The following PPP1R1C variants were observed in gnomAD, a reference collection of about 807,000 sequenced individuals.
The protein encoded by PPP1R1C is protein phosphatase 1 regulatory inhibitor subunit 1C.
In PPP1R1C, 15 loss-of-function variants were observed where a neutral mutation model predicts 17.4. The observed-to-expected ratio is 0.86, with a 90% confidence interval of 0.58 to 1.33. The LOEUF (loss-of-function observed/expected upper bound fraction) is 1.33, where lower values mean the gene tolerates loss of function less well. Ranked by LOEUF, PPP1R1C falls within the 40% of genes most tolerant of loss-of-function variation. The pLI is 0.00. For missense variants in PPP1R1C, 143 were observed against 130.0 expected (o/e 1.10, Z -0.48); for synonymous variants, 35 against 43.1 (o/e 0.81, Z 0.73).
At chr2:182,042,974 A>C (rs1687229423) in intron 2 of PPP1R1C, among the ~76,000 whole-genome samples, 1 of 152,246 alleles carries the variant, frequency 6.6e-6, no homozygotes, top group Non-Finnish European at 1.5e-5. Flanking sequence ...AACTTGAACA[A>C]CAATATTTGT....
At chr2:182,067,746 A>G (rs1688027241) in intron 4 of PPP1R1C, among the ~76,000 whole-genome samples, 1 of 152,154 alleles carries the variant, frequency 6.6e-6, no homozygotes, top group Non-Finnish European at 1.5e-5. Context: ...TTATGACCCA[A>G]GACGCACAGT....
chr2:182,089,223 A>G (rs548704985), intron 4 of PPP1R1C, among the ~76,000 whole-genome samples: 161 of 152,362 alleles, frequency 1.1e-3, no homozygotes, highest in African/African-American at 3.7e-3. Context: ...CCCGAGAATA[A>G]CTAAATGCTG....
intron 2 of PPP1R1C, among the ~76,000 whole-genome samples, chr2:182,056,816 ATATCTTCTCAATC>A (rs963772515): frequency 1.3e-5 from 2 of 152,156 alleles, no homozygotes; most frequent in African/African-American, 4.8e-5. Flanking sequence ...CTTGAAATAG[ATATCTTCTCAATC>A]TCTAGAAACC....
intron 2 of PPP1R1C, among the ~76,000 whole-genome samples, chr2:182,034,396 AG>A (rs1397145937): frequency 6.6e-6 from 1 of 152,172 alleles, no homozygotes; most frequent in African/African-American, 2.4e-5. Flanking sequence ...GAAGAGATAG[AG>A]TGTATATTTT....
At chr2:182,023,153 A>G (rs1324375186) in intron 2 of PPP1R1C, among the ~76,000 whole-genome samples, 3 of 152,240 alleles carry the variant, frequency 2.0e-5, no homozygotes, top group Non-Finnish European at 4.4e-5. Flanking sequence ...ATCATGCAAG[A>G]AACAGAAAAA....
intron 2 of PPP1R1C, among the ~76,000 whole-genome samples, chr2:181,991,066 C>A (rs1685460062): frequency 6.7e-6 from 1 of 149,898 alleles, no homozygotes; most frequent in African/African-American, 2.5e-5. Flanking sequence ...ATTCATATGA[C>A]AAGATCAGTG....
At chr2:182,073,914 G>A (rs1688212407) in intron 4 of PPP1R1C, among the ~76,000 whole-genome samples, 1 of 152,096 alleles carries the variant, frequency 6.6e-6, no homozygotes, top group Admixed American at 6.5e-5. Context: ...AGTTGGGATT[G>A]TATCCCGAGA....
intron 2 of PPP1R1C, among the ~76,000 whole-genome samples, chr2:181,998,421 T>C (rs552336199): frequency 2.0e-5 from 3 of 152,340 alleles, no homozygotes; most frequent in African/African-American, 7.2e-5. Flanking sequence ...CCCTAGCTTG[T>C]AATTAGTTAA....
intron 2 of PPP1R1C, among the ~76,000 whole-genome samples, chr2:182,008,123 C>A (rs1478584537): frequency 6.6e-6 from 1 of 151,420 alleles, no homozygotes; most frequent in Non-Finnish European, 1.5e-5. Context: ...AATACTTTTG[C>A]ATAAATGTCT....
chr2:182,130,472 A>G (rs148012022), downstream of PPP1R1C: 4 of 152,328 alleles, frequency 2.6e-5, no homozygotes, highest in Admixed American at 2.6e-4. Flanking sequence ...ATTATTCTCA[A>G]AAGTAGCAAA....
chr2:182,043,068 A>T (rs549652508), intron 2 of PPP1R1C, among the ~76,000 whole-genome samples: 1 of 152,362 alleles, frequency 6.6e-6, no homozygotes, highest in Non-Finnish European at 1.5e-5. Context: ...AAAATTGACT[A>T]TTAAAACATA....
chr2:181,973,777 AGGATGAATACAGCATGTAATGTAT>A (rs1400767790), intron 1 of PPP1R1C, among the ~76,000 whole-genome samples: 2 of 152,358 alleles, frequency 1.3e-5, no homozygotes, highest in Non-Finnish European at 2.9e-5. Flanking sequence ...AGGCATACTC[AGGATGAATACAGCATGTAATGTAT>A]GGCCCCACTG....
chr2:181,967,498 C>T lies in PPP1R1C; in HGVS notation n.112-7721C>T, dbSNP rs896965707. Among the ~76,000 whole-genome samples, 1 of 152,050 alleles carries T rather than the reference C, an allele frequency of 6.6e-6. No homozygotes were observed. The highest frequency in any genetic ancestry group is 1.5e-5 in the Non-Finnish European group (1 of 67,996). The stretch of plus-strand genomic sequence containing the variant: ...TACAGGTTTTGGTACAATGTGTTTC[C>T]ATTTTCATTTATTTCAAGAAATTCT... On this transcript the variant is annotated intron_variant and non_coding_transcript_variant, in intron 1 of 5. Coordinates refer to the PPP1R1C transcript ENST00000464264. This position sits in a 1 kb window ranked among gnomAD's most constrained non-coding sequence, Gnocchi z 5.5.
chr2:182,013,221 T>C (rs1686145860), intron 2 of PPP1R1C, among the ~76,000 whole-genome samples: 1 of 152,150 alleles, frequency 6.6e-6, no homozygotes, highest in East Asian at 1.9e-4. Flanking sequence ...TTTGGTGTTG[T>C]TGAGATCTGT....
chr2:182,044,310 A>C (rs929232645), intron 2 of PPP1R1C, among the ~76,000 whole-genome samples: 6 of 152,192 alleles, frequency 3.9e-5, no homozygotes, highest in African/African-American at 1.4e-4. Flanking sequence ...TACAGTTTCA[A>C]ATCCCTGAAT....
chr2:181,996,743 G>A (rs977160806), intron 2 of PPP1R1C, among the ~76,000 whole-genome samples: 25 of 151,674 alleles, frequency 1.6e-4, no homozygotes, highest in African/African-American at 5.8e-4. Flanking sequence ...CCATCATTAC[G>A]GAAAACAATT....
At chr2:182,052,002 C>CAAA (rs113640993) in intron 2 of PPP1R1C, among the ~76,000 whole-genome samples, 2 of 126,248 alleles carry the variant, frequency 1.6e-5, no homozygotes, top group African/African-American at 5.8e-5. Flanking sequence ...GACTCTGTCT[C>CAAA]AAAAAAAAAA....
intron 4 of PPP1R1C, among the ~76,000 whole-genome samples, chr2:182,083,226 G>T (rs1688532625): frequency 6.6e-6 from 1 of 152,156 alleles, no homozygotes; most frequent in South Asian, 2.1e-4. Context: ...TGAATAATTA[G>T]GTTGAAAGTG....
chr2:182,124,328 T>TTTTTTTTTTTTTTTTTTTTTTG (rs1689817983), intron 5 of PPP1R1C, among the ~76,000 whole-genome samples: 3 of 55,598 alleles, frequency 5.4e-5, no homozygotes, highest in Non-Finnish European at 9.7e-5. Flanking sequence ...TTTTTTTTTG[T>TTTTTTTTTTTTTTTTTTTTTTG]TTTTTTTTTT....
Sources: allele counts gnomAD v4.1 joint callset (sites outside exome capture counted in the v4.1 genomes callset), GRCh38; gene constraint gnomAD v4.1.1; non-coding constraint Gnocchi (gnomAD v3.1); transcripts MANE v1.5; gene names NCBI Gene and HGNC (gene_info 2026-07-23, HGNC 2026-07-21).